The following DSCAML1 variants were observed in gnomAD, a reference collection of about 807,000 sequenced individuals.
DSCAML1 encodes cell adhesion molecule DSCAML1.
A neutral mutation model predicts 200.5 loss-of-function variants in DSCAML1; 38 were observed. The observed-to-expected ratio is 0.19, with a 90% CI of 0.15 to 0.25. The LOEUF (loss-of-function observed/expected upper bound fraction) is 0.25. Ranked by LOEUF, DSCAML1 falls within the 10% of genes least tolerant of loss-of-function variation. The pLI, the probability that DSCAML1 is intolerant of heterozygous loss-of-function variation, is 1.00. For synonymous variants in DSCAML1, 1,215 were observed against 1,165.0 expected (o/e 1.04, Z -0.87); for missense variants, 2,223 against 2,858.8 (o/e 0.78, Z 5.07).
intron 3 of DSCAML1, among the ~76,000 whole-genome samples, chr11:117,636,660 A>C (rs2137583929): frequency 6.6e-6 from 1 of 152,332 alleles, no homozygotes; most frequent in Admixed American, 6.5e-5. Flanking sequence ...CACTGCTGGC[A>C]AGAAACCTGG....
chr11:117,723,782 A>G (rs1446267463), intron 3 of DSCAML1, among the ~76,000 whole-genome samples: 3 of 152,104 alleles, frequency 2.0e-5, no homozygotes, highest in Non-Finnish European at 2.9e-5. Context: ...ATCGCTGGTG[A>G]TTTAGCAACC....
intron 19 of DSCAML1, 115 bp from the exon 20 acceptor site, chr11:117,450,803 C>T (rs1565692223): frequency 2.4e-6 from 3 of 1,254,178 alleles, no homozygotes; most frequent in Non-Finnish European, 3.3e-6. Context: ...TTGGAGGTGG[C>T]ATCCTTGAGC....
intron 11 of DSCAML1, among the ~76,000 whole-genome samples, chr11:117,488,897 T>C (rs1029065658): frequency 1.3e-5 from 2 of 152,244 alleles, no homozygotes; most frequent in African/African-American, 4.8e-5. Flanking sequence ...TTCCAAAGCC[T>C]GTGTCTCAGT....
At chr11:117,752,575 C>A (rs1029960093) in intron 3 of DSCAML1, among the ~76,000 whole-genome samples, 2 of 152,132 alleles carry the variant, frequency 1.3e-5, no homozygotes, top group African/African-American at 2.4e-5. Flanking sequence ...TGAGGCAGCC[C>A]GAGAATGTCT....
At chr11:117,459,674 G>T (rs755802252) in intron 18 of DSCAML1, among the ~76,000 whole-genome samples, 2 of 152,240 alleles carry the variant, frequency 1.3e-5, no homozygotes, top group Non-Finnish European at 2.9e-5. Flanking sequence ...AGAGTCCCAT[G>T]GGGGCCAGAG....
intron 5 of DSCAML1, among the ~76,000 whole-genome samples, chr11:117,523,245 G>A (rs1447126366): frequency 6.6e-6 from 1 of 152,174 alleles, no homozygotes; most frequent in Non-Finnish European, 1.5e-5. Flanking sequence ...CCAAGGATTT[G>A]AGGGTGTGTT....
In DSCAML1 at chr11:117,780,240, G is replaced by GAAAGAA. The variant is rs1555032696; in HGVS notation, c.364+247_364+252dup. On this transcript the variant is annotated intron_variant, in intron 2 of 32. Coordinates refer to ENST00000651296, the MANE Select transcript of DSCAML1 (RefSeq NM_020693.4). The surrounding 1 kb of genome is among the most constrained non-coding windows in gnomAD (Gnocchi z 4.8). ...GAGAGAAAGAAAGAAAGGAAAGAAA[G>GAAAGAA]AAAGAAAGAAAGAAAGAAAGAAAGA... 8.2e-4 allele frequency among the ~76,000 whole-genome samples: 51 copies of GAAAGAA among 62,518 alleles called. No individual in the cohort carries two copies. The highest frequency in any genetic ancestry group is 2.9e-3 in the African/African-American group (48 of 16,488). 41.0% of individuals were successfully genotyped at this position (62,518 alleles called of 152,430 possible).
intron 20 of DSCAML1, among the ~76,000 whole-genome samples, chr11:117,448,869 G>C (rs1031770589): frequency 6.6e-6 from 1 of 152,146 alleles, no homozygotes; most frequent in Non-Finnish European, 1.5e-5. Context: ...ACCTGGCAGA[G>C]ATCCATGCCC....
rs201978989 is a variant in DSCAML1 at position 117,480,492 on chromosome 11, G to A, written c.2736C>T (p.Asp912=). The change falls in exon 14 of 33, where the codon GAC becomes GAT. Residue 912 remains aspartate (D), a synonymous_variant. Coordinates refer to ENST00000651296, the MANE Select transcript of DSCAML1 (RefSeq NM_020693.4). The surrounding 1 kb of genome is among the most constrained non-coding windows in gnomAD (Gnocchi z 4.1). Reference sequence around the variant, plus strand: ...CGAAGCCCGTGATGATGCTGTTCCCGTCGAATCGCTGGGTCCAGCGCAGGT... The same window carrying A: ...CGAAGCCCGTGATGATGCTGTTCCCATCGAATCGCTGGGTCCAGCGCAGGT... The part of the protein sequence containing the change: ...SMNLRWTQRF[D]GNSIITGFDI... 1.5e-4 allele frequency: 245 copies of A among 1,612,148 alleles called. 3 individuals carry two copies. The South Asian group carries it at 1.6e-3, about 10-fold the overall frequency.
chr11:117,719,494 T>C (rs955572926), intron 3 of DSCAML1, among the ~76,000 whole-genome samples: 15 of 152,206 alleles, frequency 9.9e-5, no homozygotes, highest in African/African-American at 3.1e-4. Flanking sequence ...GTTAGGTACG[T>C]TGACCAAGAT....
At chr11:117,568,008 C>G (rs1226500559) in intron 3 of DSCAML1, among the ~76,000 whole-genome samples, 1 of 151,832 alleles carries the variant, frequency 6.6e-6, no homozygotes, top group Non-Finnish European at 1.5e-5. Context: ...AGCAGCACAT[C>G]AAAAAGCTTA....
In DSCAML1 at chr11:117,458,815, G is replaced by C. The variant is rs749120611; in HGVS notation, c.3507C>G (p.Ala1169=). 1.9e-6 allele frequency: 3 copies of C among 1,614,052 alleles called. No individual in the cohort carries two copies. The Admixed American group carries it at 5.0e-5, about 27-fold the overall frequency. ...GTACGCCGTCCCCAGCCTGGGTGTA[G>C]GCCAGCACCTGGACGCTGTAGTTGG... is the stretch of plus-strand genomic sequence containing the variant. ...KFTNYSVQVL[A]YTQAGDGVRS... Residue 1169 remains alanine (A), a synonymous_variant, in exon 19 of 33, where the codon GCC becomes GCG. Transcript: ENST00000651296.
At chr11:117,590,200 T>C (rs2051231257) in intron 3 of DSCAML1, among the ~76,000 whole-genome samples, 1 of 152,140 alleles carries the variant, frequency 6.6e-6, no homozygotes, top group Non-Finnish European at 1.5e-5. Flanking sequence ...TTATGTTATT[T>C]GATTTTTTAA....
intron 3 of DSCAML1, among the ~76,000 whole-genome samples, chr11:117,731,005 G>C (rs2054207772): frequency 6.6e-6 from 1 of 152,194 alleles, no homozygotes; most frequent in South Asian, 2.1e-4. Context: ...AGGGATGGGG[G>C]AAATGACTGT....
intron 3 of DSCAML1, among the ~76,000 whole-genome samples, chr11:117,599,308 A>G (rs2051421575): frequency 6.6e-6 from 1 of 152,190 alleles, no homozygotes; most frequent in Non-Finnish European, 1.5e-5. Flanking sequence ...TCTGGTCCAT[A>G]TACCTTCTTA....
chr11:117,591,281 C>A (rs1429972027), intron 3 of DSCAML1, among the ~76,000 whole-genome samples: 1 of 152,176 alleles, frequency 6.6e-6, no homozygotes, highest in Non-Finnish European at 1.5e-5. Flanking sequence ...CACCCTAGCA[C>A]CCCCAAAGTT....
chr11:117,757,888 G>C (rs975550827), intron 3 of DSCAML1, among the ~76,000 whole-genome samples: 5 of 152,188 alleles, frequency 3.3e-5, no homozygotes, highest in Non-Finnish European at 7.3e-5. Flanking sequence ...TACTCAGGAG[G>C]CTGAGTCAGG....
At chr11:117,771,451 G>A (rs1237988847) in intron 3 of DSCAML1, among the ~76,000 whole-genome samples, 3 of 152,198 alleles carry the variant, frequency 2.0e-5, no homozygotes, top group African/African-American at 4.8e-5. Flanking sequence ...CTGGAGATCT[G>A]TTGCCCTTCA....
intron 7 of DSCAML1, among the ~76,000 whole-genome samples, chr11:117,517,654 C>A (rs938356029): frequency 3.0e-4 from 46 of 152,354 alleles, no homozygotes; most frequent in African/African-American, 9.6e-4. Context: ...TTTCCTACCC[C>A]CACGGCAACC....
Sources: gnomAD v4.1 joint callset for allele counts (sites outside exome capture counted in the v4.1 genomes callset) on GRCh38, gnomAD v4.1.1 for gene constraint, Gnocchi (gnomAD v3.1) non-coding constraint, MANE v1.5 for transcripts, NCBI Gene and HGNC (gene_info 2026-07-23, HGNC 2026-07-21) for gene names.